PLEC: variants seen among roughly 807,000 people sequenced by gnomAD.
The protein encoded by PLEC is plectin.
Under a neutral mutation model 392.8 loss-of-function variants are expected in PLEC, and 216 were observed. The observed-to-expected ratio is 0.55, with a 90% CI of 0.49 to 0.62. The LOEUF (loss-of-function observed/expected upper bound fraction) is 0.62. PLEC is among the 20% of genes least tolerant of loss of function. The pLI, the probability that PLEC is intolerant of heterozygous loss-of-function variation, is 0.00. For missense variants in PLEC, 6,863 were observed against 6,563.4 expected, an observed-to-expected ratio of 1.05 and a Z score of -1.58; for synonymous variants, 3,621 against 2,980.6, an observed-to-expected ratio of 1.21 and a Z score of -7.00.
rs1554689783 is a variant in PLEC at position 143,922,528 on chromosome 8, T to C, written c.7401A>G (p.Lys2467=). The C allele has an allele frequency of 3.7e-6, 6 of 1,611,266 alleles. No individual in the cohort carries two copies. Among genetic ancestry groups the C allele is most frequent in the Non-Finnish European group, 5.1e-6 (6 of 1,179,982 alleles). The change falls in exon 31 of 32, where the codon AAA becomes AAG. Residue 2467 remains lysine, a synonymous_variant. Coordinates refer to ENST00000345136, the MANE Select transcript of PLEC (RefSeq NM_201384.3). ...REKEKLQQEA[K]LLQLKSEEMQ... is the part of the protein sequence containing the mutation. Reference sequence around the variant, plus strand: ...CCTCCTCAGACTTGAGCTGCAGCAGTTTGGCCTCCTGTTGGAGCTTCTCCT... The same window carrying C: ...CCTCCTCAGACTTGAGCTGCAGCAGCTTGGCCTCCTGTTGGAGCTTCTCCT...
chr8:143,929,498 A>C lies in PLEC; in HGVS notation c.2997T>G (p.Cys999Trp). The part of the protein sequence containing the change: ...LKDIRLQLEA[C>W]ETRTVHRLRL... ...GCAGGCGGTGCACGGTGCGCGTCTC[A>C]CAGGCCTCCAGCTGCAGCCGGATGT... Residue 999 changes from cysteine to tryptophan, a missense_variant, in exon 24 of 32, where the codon TGT becomes TGG. Transcript: ENST00000345136. 6.2e-7 allele frequency: 1 copy of C among 1,611,580 alleles called. No homozygotes were observed. Among genetic ancestry groups the C allele is most frequent in the South Asian group, 1.1e-5 (1 of 90,984 alleles).
upstream of PLEC, among the ~76,000 whole-genome samples, chr8:143,955,187 G>A (rs896804416): frequency 1.1e-4 from 16 of 152,168 alleles, no homozygotes; most frequent in African/African-American, 3.9e-4. Context: ...AATTAAAACA[G>A]AATTTCAGGC....
chr8:143,955,175 G>C (rs545881373), upstream of PLEC, among the ~76,000 whole-genome samples: 3 of 152,290 alleles, frequency 2.0e-5, no homozygotes, highest in South Asian at 4.2e-4. Flanking sequence ...GGTGAAGTGA[G>C]GAATTAAAAC....
At position 143,925,563 on chromosome 8, in the gene PLEC, C is replaced by G. The variant is rs186848953; in HGVS notation, c.4366G>C (p.Val1456Leu). 1.9e-6 allele frequency: 3 copies of G among 1,588,114 alleles called. No individual in the cohort carries two copies. The Admixed American group carries it at 5.1e-5, about 27-fold the overall frequency. ...SRLRIEEEIR[V>L]VRLQLEATER... ...GTGGCCTCCAACTGCAGGCGCACCA[C>G]GCGGATCTCCTCCTCGATGCGCAGC... Residue 1456 changes from valine to leucine, a missense_variant, in exon 31 of 32, where the codon GTG becomes CTG. Val to Leu is a conservative substitution (Grantham distance 32, BLOSUM62 1). Coordinates refer to ENST00000345136, the MANE Select transcript of PLEC (RefSeq NM_201384.3).
chr8:143,917,984 C>A lies in PLEC; in HGVS notation c.11837G>T (p.Arg3946Leu). The A allele has an allele frequency of 6.2e-7, 1 of 1,612,594 alleles. No homozygotes were observed. Among genetic ancestry groups the A allele is most frequent in the Non-Finnish European group, 8.5e-7 (1 of 1,179,956 alleles). ...CTTCATGGCCTGGTACACCGAGAGC[C>A]GTTCCTTGGTGGCGTCCACGAAGAC... is the stretch of plus-strand genomic sequence containing the variant. The part of the protein sequence containing the change: ...AGVFVDATKE[R>L]LSVYQAMKKG... The change falls in exon 32 of 32, where the codon CGG becomes CTG. Residue 3946 changes from arginine to leucine, a missense_variant. Coordinates refer to ENST00000345136, the MANE Select transcript of PLEC (RefSeq NM_201384.3).
At chr8:143,944,848 AT>A in intron 1 of PLEC, 1 of 556,812 alleles carries the variant, frequency 1.8e-6, no homozygotes, top group Non-Finnish European at 2.8e-6. Flanking sequence ...GGGGATATAA[AT>A]ATCCGAGGAG....
intron 28 of PLEC, 45 bp from the exon 29 acceptor site, chr8:143,927,126 G>T: frequency 6.4e-7 from 1 of 1,570,958 alleles, no homozygotes. Flanking sequence ...GCCCTCCGAT[G>T]GCCCCTGCCC....
chr8:143,944,839 G>T, intron 1 of PLEC: 1 of 595,252 alleles, frequency 1.7e-6, no homozygotes, highest in South Asian at 4.8e-5. Context: ...AGGGGCCCAG[G>T]GGATATAAAT....
At chr8:143,931,461 C>G in intron 19 of PLEC, 73 bp downstream of exon 19, 3 of 1,528,930 alleles carry the variant, frequency 2.0e-6, no homozygotes, top group Non-Finnish European at 2.7e-6. Context: ...GCCCCCTAGT[C>G]TCCAGAGTAC....
Position 143,919,892 on chromosome 8 carries a change from G to A in PLEC, c.9929C>T (p.Ala3310Val), listed in dbSNP as rs183230983. 3.0e-4 allele frequency: 480 copies of A among 1,613,100 alleles called. No individual in the cohort carries two copies. The highest frequency in any genetic ancestry group is 3.6e-4 in the Non-Finnish European group (421 of 1,180,002). The change falls in exon 32 of 32, where the codon GCC becomes GTC. Residue 3310 changes from alanine to valine, a missense_variant. Ala to Val is a moderately conservative substitution (Grantham distance 64). Coordinates refer to ENST00000345136, the MANE Select transcript of PLEC (RefSeq NM_201384.3). ...QERLSFSGLRAPVPASELLAS... is the reference protein window; with the variant it reads ...QERLSFSGLRVPVPASELLAS... ...CAGGAGCTCGCTGGCTGGCACAGGG[G>A]CACGGAGGCCGCTGAAGGACAGCCT...
At position 143,923,981 on chromosome 8, in the gene PLEC, C is replaced by T. The variant is rs527947459; in HGVS notation, c.5948G>A (p.Arg1983His). 216 of 1,583,370 alleles carry T rather than the reference C, an allele frequency of 1.4e-4. 2 individuals are homozygous for T. The South Asian group carries it at 2.1e-3, about 16-fold the overall frequency. ...CTGCACGCGCTCCTCAGCCTCACGG[C>T]GCCGCCGCTCCTCCTCCGCCGCCAG... is the stretch of plus-strand genomic sequence containing the variant. Reference protein sequence around the residue: ...RQLAAEEERRRREAEERVQKS... With the variant: ...RQLAAEEERRHREAEERVQKS... The change falls in exon 31 of 32, where the codon CGC becomes CAC. Residue 1983 changes from arginine (R) to histidine (H), a missense_variant. Arg to His is a conservative substitution (Grantham distance 29, BLOSUM62 0). Transcript: ENST00000345136.
Position 143,916,960 on chromosome 8 carries a change from C to T in PLEC, c.12861G>A (p.Glu4287=), listed in dbSNP as rs781934861. ...TGPVAGILDT[E]TLEKVSITEA... is the part of the protein sequence containing the mutation. ...CGGTGATGGACACCTTCTCCAGCGT[C>T]TCCGTGTCCAGGATGCCAGCCACGG... The change falls in exon 32 of 32, where the codon GAG becomes GAA. Residue 4287 remains glutamate (E), a synonymous_variant. Transcript: ENST00000345136. The T allele has an allele frequency of 8.0e-5, 129 of 1,612,768 alleles. No homozygotes were observed. Among genetic ancestry groups the T allele is most frequent in the Non-Finnish European group, 9.7e-5 (114 of 1,180,000 alleles).
At position 143,917,814 on chromosome 8, in the gene PLEC, T is replaced by C; in HGVS notation, c.12007A>G (p.Lys4003Glu). 6.2e-7 allele frequency: 1 copy of C among 1,613,456 alleles called. No individual in the cohort carries two copies. Among genetic ancestry groups the C allele is most frequent in the Non-Finnish European group, 8.5e-7 (1 of 1,179,978 alleles). Residue 4003 changes from lysine (K) to glutamate (E), a missense_variant, in exon 32 of 32, where the codon AAG becomes GAG. By Grantham distance (56) the Lys-to-Glu change is moderately conservative. Coordinates refer to ENST00000345136, the MANE Select transcript of PLEC (RefSeq NM_201384.3). Reference protein sequence around the residue: ...MGIVGPEFKDKLLSAERAVTG... With the variant: ...MGIVGPEFKDELLSAERAVTG... ...ACGGCGCGCTCGGCCGACAGCAGCTTGTCCTTGAACTCGGGGCCCACAATG... is the reference window on the plus strand; with the variant it reads ...ACGGCGCGCTCGGCCGACAGCAGCTCGTCCTTGAACTCGGGGCCCACAATG...
chr8:143,975,410 T>C, upstream of PLEC: 1 of 1,568,184 alleles, frequency 6.4e-7, no homozygotes, highest in Non-Finnish European at 8.7e-7. The surrounding 1 kb of genome is among the most constrained non-coding windows in gnomAD (Gnocchi z 9.9). Context: ...CATCTCTGCC[T>C]GTTCAGGAGT....
Position 143,920,008 on chromosome 8 carries a change from C to T in PLEC, c.9813G>A (p.Leu3271=), listed in dbSNP as rs1821999367. 6.2e-7 allele frequency: 1 copy of T among 1,613,284 alleles called. No individual in the cohort carries two copies. ...YFTAEQRQEL[L]RQFRTGKVTV... The stretch of plus-strand genomic sequence containing the variant: ...TGACCTTGCCCGTGCGGAACTGACG[C>T]AACAGCTCCTGCCGCTGCTCCGCAG... The change falls in exon 32 of 32, where the codon TTG becomes TTA. Residue 3271 remains leucine, a synonymous_variant. Transcript: ENST00000345136.
Position 143,924,711 on chromosome 8 carries a change from G to A in PLEC, c.5218C>T (p.Gln1740Ter), listed in dbSNP as rs1554698761. The A allele has an allele frequency of 6.5e-7, 1 of 1,534,128 alleles. No homozygotes were observed. Among genetic ancestry groups the A allele is most frequent in the Non-Finnish European group, 8.7e-7 (1 of 1,146,012 alleles). ...TGCGTGGCTGCAGCCGCCTCACGCT[G>A]CAGCCGGGCCAGCTCCTCCTCCAGC... ...QLLEEELARL[Q>*]REAAAATQKR... The change falls in exon 31 of 32, where the codon CAG (glutamine) becomes TAG (stop). Residue 1740 changes from glutamine (Q) to a stop codon, truncating the protein, a stop_gained. Coordinates refer to ENST00000345136, the MANE Select transcript of PLEC (RefSeq NM_201384.3). LOFTEE classifies it high-confidence loss of function.
Position 143,923,550 on chromosome 8 carries a change from C to A in PLEC, c.6379G>T (p.Ala2127Ser), listed in dbSNP as rs1823703943. The A allele has an allele frequency of 6.3e-7, 1 of 1,598,132 alleles. No individual in the cohort carries two copies. Among genetic ancestry groups the A allele is most frequent in the Non-Finnish European group, 8.5e-7 (1 of 1,178,212 alleles). ...GCAGCCGCCTGTGCCTGAGCCCGGGCCTGTGCCTGCTCCTCTGCCGACTGC... is the reference window on the plus strand; with the variant it reads ...GCAGCCGCCTGTGCCTGAGCCCGGGACTGTGCCTGCTCCTCTGCCGACTGC... ...LKQSAEEQAQ[A>S]RAQAQAAAEK... The change falls in exon 31 of 32, where the codon GCC becomes TCC. Residue 2127 changes from alanine (A) to serine (S), a missense_variant. Transcript: ENST00000345136.
upstream of PLEC, chr8:143,975,458 C>G: frequency 3.3e-6 from 4 of 1,196,994 alleles, no homozygotes; most frequent in Non-Finnish European, 4.8e-6. The surrounding 1 kb of genome is among the most constrained non-coding windows in gnomAD (Gnocchi z 9.9). Context: ...CCTTCTTAAC[C>G]TAGACACTGA....
At chr8:143,953,579 TG>T, upstream of PLEC, 2 of 884,148 alleles carry the variant, frequency 2.3e-6, no homozygotes, top group African/African-American at 1.7e-5. Flanking sequence ...GGGACGAGTC[TG>T]GGGTCTCCTG....
Sources: gnomAD v4.1 joint callset for allele counts (sites outside exome capture counted in the v4.1 genomes callset) on GRCh38, gnomAD v4.1.1 for gene constraint, Gnocchi (gnomAD v3.1) non-coding constraint, MANE v1.5 for transcripts, NCBI Gene and HGNC (gene_info 2026-07-23, HGNC 2026-07-21) for gene names.